Variants in AMD1 observed in about 807,000 individuals in gnomAD.
AMD1 encodes the protein S-adenosylmethionine decarboxylase proenzyme.
In AMD1, 11 loss-of-function variants were observed where a neutral mutation model predicts 40.2. That is an observed-to-expected ratio of 0.27 (90% CI 0.17 to 0.45). The LOEUF (loss-of-function observed/expected upper bound fraction) is 0.45. AMD1 is among the 20% of genes least tolerant of loss of function. AMD1 has a pLI of 1.00. For synonymous variants in AMD1, 121 were observed against 130.8 expected, an observed-to-expected ratio of 0.93 and a Z score of 0.51; for missense variants, 257 against 410.2, an observed-to-expected ratio of 0.63 and a Z score of 3.23.
At chr6:110,840,852 C>T in the AMD1 span, among the ~76,000 whole-genome samples, 9 of 152,170 alleles carry the variant, frequency 5.9e-5, no homozygotes, top group Middle Eastern at 3.4e-3. Flanking sequence ...ACACACTCAG[C>T]ATTATAACAA....
chr6:110,842,996 G>A, the AMD1 span, among the ~76,000 whole-genome samples: 1 of 152,072 alleles, frequency 6.6e-6, no homozygotes, highest in Admixed American at 6.6e-5. Context: ...AGCCGGGCAT[G>A]GTGGTGGGCA....
the AMD1 span, among the ~76,000 whole-genome samples, chr6:110,836,671 T>C: frequency 6.6e-6 from 1 of 152,174 alleles, no homozygotes; most frequent in East Asian, 1.9e-4. Flanking sequence ...TTGTTTTTTG[T>C]TTTTGTTTTT....
the AMD1 span, among the ~76,000 whole-genome samples, chr6:110,854,542 G>C: frequency 1.5e-4 from 23 of 151,748 alleles, no homozygotes; most frequent in African/African-American, 4.8e-4. Context: ...TCTGCCTCCC[G>C]GGTTCAAACG....
rs201162494 is a variant in AMD1, at chr6:110,893,560, G to T, written c.949G>T (p.Asp317Tyr). Residue 317 changes from aspartate (D) to tyrosine (Y), a missense_variant, in exon 9 of 9, where the codon GAT becomes TAT. Physicochemically the swap from Asp to Tyr is radical, Grantham distance 160. Around this residue, in one of 3 missense-constraint regions of AMD1, gnomAD observed 192 missense variants for 296.5 expected, o/e 0.65. Coordinates refer to ENST00000368885, the MANE Select transcript of AMD1 (RefSeq NM_001634.6). ...TGATTGCCAGAGTGCTATGTTCAAT[G>T]ATTACAATTTTGTTTTTACCAGTTT... ...RLDCQSAMFNDYNFVFTSFAK... is the reference protein window; with the variant it reads ...RLDCQSAMFNYYNFVFTSFAK... 1 of 1,614,020 alleles carries T rather than the reference G, an allele frequency of 6.2e-7. No homozygotes were observed. The highest frequency in any genetic ancestry group is 8.5e-7 in the Non-Finnish European group (1 of 1,179,962).
the AMD1 span, among the ~76,000 whole-genome samples, chr6:110,839,686 T>C: frequency 6.6e-6 from 1 of 151,980 alleles, no homozygotes; most frequent in African/African-American, 2.4e-5. Flanking sequence ...TTAATTTTCC[T>C]TTTTTTTAGT....
At chr6:110,828,887 G>A in the AMD1 span, among the ~76,000 whole-genome samples, 1 of 152,002 alleles carries the variant, frequency 6.6e-6, no homozygotes, top group African/African-American at 2.4e-5. Context: ...AAAGCCCTAT[G>A]CTGGCTGGGC....
the AMD1 span, among the ~76,000 whole-genome samples, chr6:110,823,465 A>G: frequency 6.6e-6 from 1 of 152,204 alleles, no homozygotes; most frequent in African/African-American, 2.4e-5. Context: ...ATGATTGTAT[A>G]CCTAGAAAAC....
intron 1 of AMD1, among the ~76,000 whole-genome samples, chr6:110,885,248 A>G (rs549151559): frequency 1.3e-5 from 2 of 151,792 alleles, no homozygotes; most frequent in Non-Finnish European, 2.9e-5. Context: ...AGTAGCTGGG[A>G]TTATAGACGC....
At chr6:110,850,021 CA>C in the AMD1 span, among the ~76,000 whole-genome samples, 446 of 119,580 alleles carry the variant, frequency 3.7e-3, 1 homozygote, top group African/African-American at 7.6e-3. Context: ...AAAACACTGT[CA>C]AAAAAAAAAA....
Position 110,893,002 on chromosome 6 carries a change from G to C in AMD1, c.801G>C (p.Leu267=), listed in dbSNP as rs766576695. 5 of 1,613,908 alleles carry C rather than the reference G, an allele frequency of 3.1e-6. No individual in the cohort carries two copies. Among genetic ancestry groups the C allele is most frequent in the Non-Finnish European group, 4.2e-6 (5 of 1,179,932 alleles). The change falls in exon 8 of 9, where the codon CTG becomes CTC. Residue 267 remains leucine (L), a synonymous_variant. Coordinates refer to ENST00000368885, the MANE Select transcript of AMD1 (RefSeq NM_001634.6). Reference sequence around the variant, plus strand: ...TAAGTCAGACCTCCTATGATGACCTGATCAGGAAAGTTGTAGAAGTCTTCA... The same window carrying C: ...TAAGTCAGACCTCCTATGATGACCTCATCAGGAAAGTTGTAGAAGTCTTCA... ...TNLSQTSYDD[L]IRKVVEVFKP... is the part of the protein sequence containing the mutation.
At chr6:110,870,506 C>T (rs1413168732), upstream of AMD1, among the ~76,000 whole-genome samples, 1 of 152,054 alleles carries the variant, frequency 6.6e-6, no homozygotes, top group Non-Finnish European at 1.5e-5. Flanking sequence ...GCCTGTAGTC[C>T]CAGCTACGTG....
At chr6:110,869,535 G>A in the AMD1 span, among the ~76,000 whole-genome samples, 1 of 144,976 alleles carries the variant, frequency 6.9e-6, no homozygotes, top group African/African-American at 2.6e-5. Flanking sequence ...TGGACACAGA[G>A]TTTCACTCTT....
At chr6:110,878,959 G>A (rs1184482151) in intron 1 of AMD1, among the ~76,000 whole-genome samples, 2 of 152,116 alleles carry the variant, frequency 1.3e-5, no homozygotes, top group Non-Finnish European at 2.9e-5. Context: ...AATTTACATT[G>A]AAGGAATTTA....
At chr6:110,815,206 C>A in the AMD1 span, 4 of 1,445,668 alleles carry the variant, frequency 2.8e-6, no homozygotes, top group East Asian at 2.8e-5. Context: ...CTCCTCCCCC[C>A]GCGACCGCCG....
chr6:110,830,965 A>G, the AMD1 span, among the ~76,000 whole-genome samples: 4 of 152,102 alleles, frequency 2.6e-5, no homozygotes, highest in African/African-American at 9.7e-5. Context: ...TATGTTGCCC[A>G]GGCTGAGGAT....
the AMD1 span, among the ~76,000 whole-genome samples, chr6:110,866,815 TTC>T: frequency 6.6e-6 from 1 of 151,880 alleles, no homozygotes; most frequent in Non-Finnish European, 1.5e-5. Context: ...CAACAACACT[TTC>T]TTTTTTTTTT....
chr6:110,838,867 C>T, the AMD1 span, among the ~76,000 whole-genome samples: 2 of 152,268 alleles, frequency 1.3e-5, no homozygotes, highest in Middle Eastern at 3.4e-3. Context: ...CTACTGGGTT[C>T]AAGGGATTCT....
chr6:110,838,774 G>A, the AMD1 span, among the ~76,000 whole-genome samples: 2 of 152,086 alleles, frequency 1.3e-5, no homozygotes, highest in African/African-American at 2.4e-5. Context: ...CAGGAGAATC[G>A]CTTAAACCTG....
intron 2 of AMD1, 22 bp downstream of exon 2, chr6:110,887,613 T>A: frequency 6.6e-7 from 1 of 1,522,906 alleles, no homozygotes; most frequent in Non-Finnish European, 8.9e-7. Context: ...AAAACAAGTG[T>A]TAGGTAGCTA....
Sources: gnomAD v4.1 joint callset for allele counts (sites outside exome capture counted in the v4.1 genomes callset) on GRCh38, gnomAD v4.1.1 for gene constraint, gnomAD v4.1.1 regional missense constraint, MANE v1.5 for transcripts, NCBI Gene and HGNC (gene_info 2026-07-23, HGNC 2026-07-21) for gene names.